ASAP1: variants seen among roughly 807,000 people sequenced by gnomAD.
ASAP1 encodes the protein ArfGAP with SH3 domain, ankyrin repeat and PH domain 1.
In ASAP1, 43 loss-of-function variants were observed where a neutral mutation model predicts 145.2. The ratio of observed to expected loss-of-function variants is 0.30; its 90% CI spans 0.23 to 0.38. ASAP1 has a LOEUF of 0.38. ASAP1 is among the 10% of genes least tolerant of loss of function. The pLI is 1.00. For synonymous variants in ASAP1, 546 were observed against 515.5 expected (o/e 1.06, Z -0.80); for missense variants, 1,018 against 1,355.3 (o/e 0.75, Z 3.91).
chr8:130,300,807 G>GA (rs1276747783), intron 3 of ASAP1, among the ~76,000 whole-genome samples: 1 of 152,204 alleles, frequency 6.6e-6, no homozygotes, highest in Non-Finnish European at 1.5e-5. Flanking sequence ...CTTTGGCCAA[G>GA]AAAGAAGGAA....
intron 4 of ASAP1, among the ~76,000 whole-genome samples, chr8:130,217,438 A>G (rs561134982): frequency 6.6e-6 from 1 of 151,918 alleles, no homozygotes; most frequent in African/African-American, 2.4e-5. Context: ...ATTTTCTACC[A>G]CATCCTATAT....
At chr8:130,074,597 A>G (rs1398208503) in intron 27 of ASAP1, among the ~76,000 whole-genome samples, 2 of 152,120 alleles carry the variant, frequency 1.3e-5, no homozygotes, top group African/African-American at 4.8e-5. Flanking sequence ...GGAAACAGCA[A>G]TGCAAAAGAT....
Position 130,242,112 on chromosome 8 carries a change from G to C in ASAP1, c.187-5118C>G, listed in dbSNP as rs551780679. 2.0e-5 allele frequency among the ~76,000 whole-genome samples: 3 copies of C among 151,834 alleles called. No individual in the cohort carries two copies. The East Asian group carries it at 5.8e-4, about 30-fold the overall frequency. ...TCAATACATTAATGTGCCTAGAAGT[G>C]GCTAGCACAAAGTCTTGAATGGAGC... On this transcript the variant is annotated intron_variant, in intron 3 of 29. Transcript: ENST00000518721.
At chr8:130,330,766 T>G (rs997936375) in intron 3 of ASAP1, among the ~76,000 whole-genome samples, 2 of 152,226 alleles carry the variant, frequency 1.3e-5, no homozygotes, top group South Asian at 2.1e-4. Flanking sequence ...CATTTATCTT[T>G]TGTTGCCTTC....
intron 5 of ASAP1, chr8:130,195,127 TATTC>T (rs902475605): frequency 3.9e-5 from 6 of 152,230 alleles, no homozygotes; most frequent in African/African-American, 1.4e-4. Context: ...TCCTTTCCTT[TATTC>T]ATTAAGTTGA....
chr8:130,411,664 G>T (rs927838921), intron 1 of ASAP1, among the ~76,000 whole-genome samples: 7 of 152,196 alleles, frequency 4.6e-5, no homozygotes, highest in African/African-American at 1.7e-4. Context: ...AAAGGAAGTT[G>T]TATAAGTGTA....
chr8:130,165,938 C>T lies in ASAP1; in HGVS notation c.909+1598G>A, dbSNP rs557779075. ...TTAGAAATTAAAATAAGTGAACTTG[C>T]TATTGTTGTGTGATAGTATTTAAAA... On this transcript the variant is annotated intron_variant, in intron 11 of 29. Coordinates refer to ENST00000518721, the MANE Select transcript of ASAP1 (RefSeq NM_018482.4). 3.9e-5 allele frequency among the ~76,000 whole-genome samples: 6 copies of T among 152,218 alleles called. No homozygotes were observed. In the East Asian group the frequency reaches 1.2e-3, roughly 29 times the overall value.
chr8:130,115,592 A>G (rs1564975959), intron 23 of ASAP1, 36 bp downstream of exon 23: 1 of 1,480,706 alleles, frequency 6.8e-7, no homozygotes, highest in East Asian at 2.3e-5. Flanking sequence ...AAGTTGGGGT[A>G]GTTGTTGAGA....
chr8:130,081,940 T>C (rs1442239052), intron 25 of ASAP1, among the ~76,000 whole-genome samples: 2 of 152,222 alleles, frequency 1.3e-5, no homozygotes, highest in African/African-American at 2.4e-5. Context: ...CCCCTCATTT[T>C]ATATATGAAG....
chr8:130,348,384 G>A (rs1260197927), intron 3 of ASAP1, among the ~76,000 whole-genome samples: 1 of 152,164 alleles, frequency 6.6e-6, no homozygotes, highest in Non-Finnish European at 1.5e-5. Context: ...CCCAGCTTTT[G>A]AGTGGCTAAA....
At chr8:130,367,797 C>T (rs888818461) in intron 2 of ASAP1, among the ~76,000 whole-genome samples, 3 of 152,122 alleles carry the variant, frequency 2.0e-5, no homozygotes, top group Non-Finnish European at 4.4e-5. Flanking sequence ...TTAAAGATAC[C>T]CTATATTACA....
intron 24 of ASAP1, among the ~76,000 whole-genome samples, chr8:130,098,486 G>A (rs759037454): frequency 6.6e-6 from 1 of 152,104 alleles, no homozygotes; most frequent in African/African-American, 2.4e-5. Flanking sequence ...TGGGATTACA[G>A]GTGCCTGCCA....
chr8:130,292,500 G>C (rs138310140), intron 3 of ASAP1, among the ~76,000 whole-genome samples: 5 of 152,168 alleles, frequency 3.3e-5, no homozygotes, highest in Non-Finnish European at 5.9e-5. Flanking sequence ...GTAAACCAAG[G>C]GTAGGAGGAG....
At chr8:130,182,459 C>T (rs901482172) in intron 7 of ASAP1, among the ~76,000 whole-genome samples, 1 of 152,112 alleles carries the variant, frequency 6.6e-6, no homozygotes, top group South Asian at 2.1e-4. Flanking sequence ...TAAGCAGGAG[C>T]GTGAAAGAAC....
chr8:130,390,152 GCTCA>G (rs750230476), intron 2 of ASAP1, among the ~76,000 whole-genome samples: 1 of 152,150 alleles, frequency 6.6e-6, no homozygotes, highest in Non-Finnish European at 1.5e-5. Flanking sequence ...AGGAAAGAAT[GCTCA>G]CTATTACCTC....
At chr8:130,189,813 C>T (rs1043866711) in intron 5 of ASAP1, among the ~76,000 whole-genome samples, 6 of 152,178 alleles carry the variant, frequency 3.9e-5, no homozygotes, top group African/African-American at 1.4e-4. Flanking sequence ...TCCTTGCTAG[C>T]ATCCATTACT....
chr8:130,426,034 C>T (rs182356537), intron 1 of ASAP1, among the ~76,000 whole-genome samples: 1 of 152,310 alleles, frequency 6.6e-6, no homozygotes, highest in East Asian at 1.9e-4. Context: ...GTGTCCCCAC[C>T]CAAATCTCAG....
rs142589794 is a variant in ASAP1 at position 130,181,042 on chromosome 8, G to A, written c.531-162C>T. Reference sequence around the variant, plus strand: ...CACTCTGGTGGGGGTCAGTGATAACGGGGGAGGCTGTGCATGTGTGGGGGG... The same window carrying A: ...CACTCTGGTGGGGGTCAGTGATAACAGGGGAGGCTGTGCATGTGTGGGGGG... On this transcript the variant is annotated intron_variant, in intron 7 of 29. Transcript: ENST00000518721. Among the ~76,000 whole-genome samples, 3 of 151,768 alleles carry A rather than the reference G, an allele frequency of 2.0e-5. No homozygotes were observed. The East Asian group carries it at 5.8e-4, about 29-fold the overall frequency.
chr8:130,313,170 C>T (rs1259627425), intron 3 of ASAP1, among the ~76,000 whole-genome samples: 1 of 152,104 alleles, frequency 6.6e-6, no homozygotes, highest in East Asian at 1.9e-4. Context: ...GGTGGATGGG[C>T]TGAACAATGG....
Sources: gnomAD v4.1 joint callset for allele counts (sites outside exome capture counted in the v4.1 genomes callset) on GRCh38, gnomAD v4.1.1 for gene constraint, MANE v1.5 for transcripts, NCBI Gene and HGNC (gene_info 2026-07-23, HGNC 2026-07-21) for gene names.